NFATC3: variants seen among roughly 807,000 people sequenced by gnomAD.
NFATC3 encodes nuclear factor of activated T cells 3.
Under a neutral mutation model 98.6 loss-of-function variants are expected in NFATC3, and 46 were observed. That is an observed-to-expected ratio of 0.47 (90% CI 0.37 to 0.60). The LOEUF is 0.60. Among genes scored for constraint, NFATC3 ranks in the 20% least tolerant of loss-of-function variants. The probability of loss-of-function intolerance (pLI) is 0.00; values close to 1 mark genes in which losing one functional copy is unlikely to be tolerated. For synonymous variants in NFATC3, 512 were observed against 472.2 expected, an observed-to-expected ratio of 1.08 and a Z score of -1.09; for missense variants, 1,256 against 1,295.5, an observed-to-expected ratio of 0.97 and a Z score of 0.47.
In NFATC3 at chr16:68,133,504, C is replaced by T. The variant is rs57508556; in HGVS notation, c.1401+6894C>T. Among the ~76,000 whole-genome samples the T allele has an allele frequency of 4.9e-3, 750 of 152,186 alleles. 8 individuals are homozygous for T. The highest frequency in any genetic ancestry group is 0.017 in the African/African-American group (703 of 41,526). ...TGTACAACGCAATGAATATTTAACA[C>T]GCAAGTATAAATACTCATAAAAATA... On this transcript the variant is annotated intron_variant, in intron 3 of 9. Coordinates refer to ENST00000346183, the MANE Select transcript of NFATC3 (RefSeq NM_173165.3).
rs747647510 is a variant in NFATC3, at chr16:68,166,872, G to A, written c.1631G>A (p.Arg544His). The part of the protein sequence containing the change: ...SIDCAGILKL[R>H]NSDIELRKGE... ...GATTGTGCAGGTATTTTGAAACTCC[G>A]CAATTCAGATATAGAACTTCGAAAA... Residue 544 changes from arginine to histidine, a missense_variant, in exon 5 of 10, where the codon CGC becomes CAC. By Grantham distance (29) the Arg-to-His change is conservative. Transcript: ENST00000346183. 3.7e-6 allele frequency: 6 copies of A among 1,613,210 alleles called. No homozygotes were observed. The highest frequency in any genetic ancestry group is 2.2e-5 in the East Asian group (1 of 44,878).
intron 8 of NFATC3, among the ~76,000 whole-genome samples, chr16:68,184,877 C>T (rs962823744): frequency 6.6e-6 from 1 of 152,076 alleles, no homozygotes; most frequent in African/African-American, 2.4e-5. Flanking sequence ...AGAAAGTTCT[C>T]TACAGAAACC....
At chr16:68,085,999 A>G (rs1023978661) in intron 1 of NFATC3, 19 of 441,768 alleles carry the variant, frequency 4.3e-5, no homozygotes, top group Non-Finnish European at 6.4e-5. Flanking sequence ...GGCTGGAAGC[A>G]AACTAGTGGG....
intron 9 of NFATC3, among the ~76,000 whole-genome samples, chr16:68,207,832 A>G (rs1482681438): frequency 6.6e-6 from 1 of 152,092 alleles, no homozygotes; most frequent in African/African-American, 2.4e-5. Context: ...TTACATTTAC[A>G]ATGTATAAGG....
At chr16:68,115,096 C>T (rs1318619456) in intron 1 of NFATC3, among the ~76,000 whole-genome samples, 2 of 151,508 alleles carry the variant, frequency 1.3e-5, no homozygotes, top group Non-Finnish European at 2.9e-5. Flanking sequence ...CCAAGTCTCA[C>T]TCTGTCACCG....
intron 1 of NFATC3, among the ~76,000 whole-genome samples, chr16:68,097,872 C>T (rs1018127663): frequency 2.6e-5 from 4 of 152,178 alleles, no homozygotes; most frequent in Admixed American, 2.6e-4. Context: ...TGTAATCACT[C>T]CCTCCCATAC....
chr16:68,117,777 C>T (rs969276169), intron 1 of NFATC3, among the ~76,000 whole-genome samples: 1 of 152,164 alleles, frequency 6.6e-6, no homozygotes, highest in Non-Finnish European at 1.5e-5. Context: ...CTCGGCCTCC[C>T]AAAGTTCTGG....
chr16:68,097,020 A>G (rs1219358973), intron 1 of NFATC3, among the ~76,000 whole-genome samples: 3 of 152,204 alleles, frequency 2.0e-5, no homozygotes, highest in South Asian at 4.1e-4. Flanking sequence ...GAGAAATGAT[A>G]AGGGTAGAGC....
intron 9 of NFATC3, among the ~76,000 whole-genome samples, chr16:68,215,339 G>A (rs2041591813): frequency 1.3e-5 from 2 of 152,218 alleles, no homozygotes; most frequent in Admixed American, 1.3e-4. Context: ...ACTCTCAGGA[G>A]AGTTATAACC....
At chr16:68,198,918 C>G (rs1315904592) in intron 9 of NFATC3, among the ~76,000 whole-genome samples, 3 of 151,972 alleles carry the variant, frequency 2.0e-5, no homozygotes, top group Non-Finnish European at 4.4e-5. Flanking sequence ...CATGGTGGTG[C>G]GTGCCTGTAG....
chr16:68,096,663 A>G (rs1454941005), intron 1 of NFATC3, among the ~76,000 whole-genome samples: 1 of 152,206 alleles, frequency 6.6e-6, no homozygotes, highest in Non-Finnish European at 1.5e-5. Flanking sequence ...TAGAGAGGTC[A>G]GAGAAGAGTA....
intron 3 of NFATC3, among the ~76,000 whole-genome samples, chr16:68,127,924 C>T (rs1296423401): frequency 1.3e-5 from 2 of 152,022 alleles, no homozygotes. Context: ...CTAACTTCTC[C>T]CCCAATTATT....
chr16:68,194,585 C>A (rs1386656885), intron 9 of NFATC3, among the ~76,000 whole-genome samples: 6 of 152,230 alleles, frequency 3.9e-5, no homozygotes, highest in African/African-American at 1.4e-4. Flanking sequence ...TAACTCTTCA[C>A]ATTGCTTTTT....
At chr16:68,119,207 G>T (rs1415207450) in intron 1 of NFATC3, among the ~76,000 whole-genome samples, 1 of 152,062 alleles carries the variant, frequency 6.6e-6, no homozygotes, top group Non-Finnish European at 1.5e-5. Flanking sequence ...TTTAAACCTT[G>T]GTGTCACCCT....
At chr16:68,129,657 C>T (rs963594213) in intron 3 of NFATC3, among the ~76,000 whole-genome samples, 1 of 150,328 alleles carries the variant, frequency 6.7e-6, no homozygotes, top group Non-Finnish European at 1.5e-5. Context: ...CCCACCTTGC[C>T]CGCTGCTCCC....
intron 1 of NFATC3, among the ~76,000 whole-genome samples, chr16:68,095,828 C>CT (rs2034992224): frequency 6.6e-6 from 1 of 152,044 alleles, no homozygotes; most frequent in Non-Finnish European, 1.5e-5. Flanking sequence ...GGGTTGGTGT[C>CT]TTGATGGGTG....
chr16:68,122,032 A>T lies in NFATC3; in HGVS notation c.149A>T (p.Asp50Val). ...GCATCCATTTACATCTTTAATGTAG[A>T]TCCACCTCCATCTACTTTAACCACA... ...DCASIYIFNVDPPPSTLTTPL... is the reference protein window; with the variant it reads ...DCASIYIFNVVPPPSTLTTPL... The change falls in exon 2 of 10, where the codon GAT becomes GTT. Residue 50 changes from aspartate (D) to valine (V), a missense_variant. Transcript: ENST00000346183. 6.2e-7 allele frequency: 1 copy of T among 1,613,258 alleles called. No homozygotes were observed.
At chr16:68,225,515 T>A (rs1598641346) in intron 9 of NFATC3, 2 of 152,360 alleles carry the variant, frequency 1.3e-5, no homozygotes, top group East Asian at 3.8e-4. Flanking sequence ...TATTCCATTT[T>A]ATGGATAGAG....
At position 68,191,090 on chromosome 16, in the gene NFATC3, T is replaced by C; in HGVS notation, c.2421T>C (p.Thr807=). The C allele has an allele frequency of 6.2e-7, 1 of 1,614,222 alleles. No individual in the cohort carries two copies. Among genetic ancestry groups the C allele is most frequent in the African/African-American group, 1.3e-5 (1 of 75,060 alleles). Residue 807 remains threonine, a synonymous_variant, in exon 9 of 10, where the codon ACT becomes ACC. Transcript: ENST00000346183. ...PVGSSYQPMQ[T]NVVYNGPTCL... ...GGTCTTCCTATCAGCCTATGCAAACTAATGTTGTGTACAATGGACCAACTT... is the reference window on the plus strand; with the variant it reads ...GGTCTTCCTATCAGCCTATGCAAACCAATGTTGTGTACAATGGACCAACTT...
Sources: gnomAD v4.1 joint callset for allele counts (sites outside exome capture counted in the v4.1 genomes callset) on GRCh38, gnomAD v4.1.1 for gene constraint, MANE v1.5 for transcripts, NCBI Gene and HGNC (gene_info 2026-07-23, HGNC 2026-07-21) for gene names.